Variants in PRUNE2 observed in about 807,000 individuals in gnomAD.
PRUNE2 encodes prune homolog 2 with BCH domain.
Under a neutral mutation model 252.0 loss-of-function variants are expected in PRUNE2, and 164 were observed. That is an observed-to-expected ratio of 0.65 (90% CI 0.57 to 0.74). PRUNE2 has a LOEUF of 0.74. Ranked by LOEUF, PRUNE2 falls within the 30% of genes least tolerant of loss-of-function variation. The probability of loss-of-function intolerance (pLI) is 0.00; values close to 1 mark genes in which losing one functional copy is unlikely to be tolerated. For synonymous variants in PRUNE2, 1,292 were observed against 1,350.2 expected (o/e 0.96, Z 0.94); for missense variants, 3,495 against 3,711.0 (o/e 0.94, Z 1.51).
At chr9:76,726,502 G>T (rs1183002895) in intron 6 of PRUNE2, among the ~76,000 whole-genome samples, 1 of 152,164 alleles carries the variant, frequency 6.6e-6, no homozygotes, top group Non-Finnish European at 1.5e-5. Flanking sequence ...GAATCATGAT[G>T]CTTGGAAAGA....
chr9:76,757,095 G>C (rs113321314), intron 6 of PRUNE2, among the ~76,000 whole-genome samples: 4 of 152,192 alleles, frequency 2.6e-5, no homozygotes, highest in African/African-American at 9.7e-5. Context: ...CAGCATAATA[G>C]TATTTTCCCA....
intron 18 of PRUNE2, among the ~76,000 whole-genome samples, chr9:76,615,769 G>GTTTTTTTTTTTTTT: frequency 1.1e-5 from 1 of 93,992 alleles, no homozygotes; most frequent in African/African-American, 4.1e-5. Context: ...TGTGTGTGTG[G>GTTTTTTTTTTTTTT]TTTTTTTTTT....
At chr9:76,755,920 C>T (rs1337995122) in intron 6 of PRUNE2, among the ~76,000 whole-genome samples, 13 of 152,198 alleles carry the variant, frequency 8.5e-5, no homozygotes, top group Non-Finnish European at 1.9e-4. Flanking sequence ...CCAGGCTGAT[C>T]TTGAACTCCT....
At chr9:76,723,103 C>T (rs2047786335) in intron 6 of PRUNE2, among the ~76,000 whole-genome samples, 1 of 152,238 alleles carries the variant, frequency 6.6e-6, no homozygotes, top group South Asian at 2.1e-4. Flanking sequence ...TTCATCTGCT[C>T]TATAAAATAG....
chr9:76,620,185 G>A (rs1831580952), intron 17 of PRUNE2, among the ~76,000 whole-genome samples: 1 of 149,500 alleles, frequency 6.7e-6, no homozygotes, highest in African/African-American at 2.5e-5. Flanking sequence ...TGTCGCCCAG[G>A]CTGAAGTGCA....
chr9:76,631,215 G>A (rs866169253), intron 15 of PRUNE2, among the ~76,000 whole-genome samples: 1 of 152,342 alleles, frequency 6.6e-6, no homozygotes, highest in Non-Finnish European at 1.5e-5. Context: ...ATAAAAGACT[G>A]AGTGGGTGAC....
intron 1 of PRUNE2, chr9:76,868,873 CGCT>C (rs1273251563): frequency 1.3e-5 from 2 of 150,906 alleles, no homozygotes; most frequent in Admixed American, 6.6e-5. Context: ...AGGCTTCTGC[CGCT>C]GTACACTAAG....
intron 1 of PRUNE2, among the ~76,000 whole-genome samples, chr9:76,878,640 G>C (rs1249881010): frequency 6.6e-6 from 1 of 152,116 alleles, no homozygotes; most frequent in African/African-American, 2.4e-5. Flanking sequence ...AAATCTGCAA[G>C]GACAAGGTAT....
intron 6 of PRUNE2, among the ~76,000 whole-genome samples, chr9:76,804,356 A>C (rs2056785050): frequency 6.6e-6 from 1 of 152,048 alleles, no homozygotes; most frequent in East Asian, 1.9e-4. Flanking sequence ...GTGTTTCAAA[A>C]TTTCTTCTCT....
intron 4 of PRUNE2, among the ~76,000 whole-genome samples, chr9:76,829,826 A>C (rs1405376104): frequency 6.6e-6 from 1 of 152,018 alleles, no homozygotes; most frequent in African/African-American, 2.4e-5. Flanking sequence ...GAGCAAAATA[A>C]TTTTGTCATC....
chr9:76,794,808 C>T (rs932329047), intron 6 of PRUNE2, among the ~76,000 whole-genome samples: 1 of 152,118 alleles, frequency 6.6e-6, no homozygotes, highest in Non-Finnish European at 1.5e-5. Context: ...TACCAAGTAA[C>T]TACCTCATGG....
At chr9:76,844,325 T>G (rs1360598632) in intron 4 of PRUNE2, among the ~76,000 whole-genome samples, 1 of 152,096 alleles carries the variant, frequency 6.6e-6, no homozygotes, top group Non-Finnish European at 1.5e-5. Context: ...ACCTGAGATC[T>G]GGTTGTTAAA....
Position 76,876,631 on chromosome 9 carries a change from C to T in PRUNE2, c.37-22423G>A, listed in dbSNP as rs528438389. Among the ~76,000 whole-genome samples, 59 of 152,168 alleles carry T rather than the reference C, an allele frequency of 3.9e-4. No individual in the cohort carries two copies. The South Asian group carries it at 0.012, about 30-fold the overall frequency. On this transcript the variant is annotated intron_variant, in intron 1 of 18. Transcript: ENST00000376718. Reference sequence around the variant, plus strand: ...GGGAATGAGGCCCAACACTGTCCCACCATTTTTAGTGGAATCAACAAAGAG... The same window carrying T: ...GGGAATGAGGCCCAACACTGTCCCATCATTTTTAGTGGAATCAACAAAGAG...
At chr9:76,724,303 C>CAAAA (rs796291956) in intron 6 of PRUNE2, among the ~76,000 whole-genome samples, 2 of 69,416 alleles carry the variant, frequency 2.9e-5, no homozygotes, top group South Asian at 6.2e-4. Flanking sequence ...GATAGAAATA[C>CAAAA]AAAAAAAAAA....
chr9:76,665,891 T>C (rs2040051493), intron 9 of PRUNE2, among the ~76,000 whole-genome samples: 1 of 152,116 alleles, frequency 6.6e-6, no homozygotes, highest in African/African-American at 2.4e-5. Flanking sequence ...GCACGAGCTG[T>C]TTCAGTATAA....
At chr9:76,751,064 A>G (rs577078354) in intron 6 of PRUNE2, among the ~76,000 whole-genome samples, 29 of 152,192 alleles carry the variant, frequency 1.9e-4, no homozygotes, top group Non-Finnish European at 4.1e-4. Flanking sequence ...TTGGCTCAAC[A>G]TATTAGCCCA....
chr9:76,700,946 AT>A (rs762761687), intron 9 of PRUNE2, among the ~76,000 whole-genome samples: 5 of 152,258 alleles, frequency 3.3e-5, no homozygotes, highest in Non-Finnish European at 4.4e-5. Flanking sequence ...TTAAACTGAC[AT>A]TGGGCATTGA....
intron 9 of PRUNE2, among the ~76,000 whole-genome samples, chr9:76,675,890 G>A (rs1296826981): frequency 7.8e-6 from 1 of 128,376 alleles, no homozygotes; most frequent in Non-Finnish European, 1.7e-5. Flanking sequence ...ACAGGAAGGG[G>A]AATATCACAC....
At chr9:76,624,526 CAAAAG>C (rs1293320521) in intron 16 of PRUNE2, 36 bp from the exon 17 acceptor site, 3 of 1,366,962 alleles carry the variant, frequency 2.2e-6, no homozygotes, top group African/African-American at 3.0e-5. Context: ...GGAAAAGAAA[CAAAAG>C]AGAAGCAAGC....
Sources: gnomAD v4.1 joint callset for allele counts (sites outside exome capture counted in the v4.1 genomes callset) on GRCh38, gnomAD v4.1.1 for gene constraint, MANE v1.5 for transcripts, NCBI Gene and HGNC (gene_info 2026-07-23, HGNC 2026-07-21) for gene names.